The following GPSM2 variants were observed in gnomAD, a reference collection of about 807,000 sequenced individuals.
GPSM2 encodes the protein G protein signaling modulator 2.
Under a neutral mutation model 78.4 loss-of-function variants are expected in GPSM2, and 58 were observed. The observed-to-expected ratio is 0.74, with a 90% CI of 0.60 to 0.92. The LOEUF (loss-of-function observed/expected upper bound fraction) is 0.92, where lower values mean the gene tolerates loss of function less well. Ranked by LOEUF, GPSM2 falls within the 40% of genes least tolerant of loss-of-function variation. The pLI is 0.00. For synonymous variants in GPSM2, 224 were observed against 280.2 expected (o/e 0.80, Z 2.00); for missense variants, 700 against 815.5 (o/e 0.86, Z 1.73).
chr1:108,931,188 T>C lies in GPSM2; in HGVS notation c.*1248T>C, dbSNP rs886321348. On this transcript the variant is annotated 3_prime_UTR_variant, in exon 15 of 15. Transcript: ENST00000264126. ...AAAACAAAAAACAAAACCCATGTGG[T>C]TAGGTCAAGAACCTAGGACACATAA... 2.1e-6 allele frequency: 2 copies of C among 964,918 alleles called. No homozygotes were observed. The highest frequency in any genetic ancestry group is 2.9e-6 in the Non-Finnish European group (2 of 692,754). The allele number at this position is 964,918 out of a possible 1,614,324, so 59.8% of individuals were successfully genotyped here. A position where few individuals can be genotyped will look rare whatever the true frequency, so the allele number is the denominator to read the frequency against.
chr1:108,923,549 C>T (rs1650900410), intron 13 of GPSM2, among the ~76,000 whole-genome samples: 1 of 152,264 alleles, frequency 6.6e-6, no homozygotes, highest in Non-Finnish European at 1.5e-5. Flanking sequence ...TACCAAAAGA[C>T]TTCTTGTACC....
chr1:108,924,758 T>C (rs1009861925), intron 14 of GPSM2, among the ~76,000 whole-genome samples: 2 of 151,030 alleles, frequency 1.3e-5, no homozygotes, highest in Non-Finnish European at 3.0e-5. Context: ...ATGGGATGAG[T>C]AGGGGAAGGG....
intron 2 of GPSM2, among the ~76,000 whole-genome samples, chr1:108,888,488 C>A (rs12729728): frequency 0.07 from 10,668 of 152,220 alleles, 517 homozygotes; most frequent in Non-Finnish European, 0.1. Flanking sequence ...GCTGGGACTA[C>A]AGCTATGCCT....
intron 14 of GPSM2, 94 bp from the exon 15 acceptor site, chr1:108,929,607 C>A (rs1309229998): frequency 1.5e-5 from 17 of 1,157,550 alleles, no homozygotes; most frequent in Non-Finnish European, 2.1e-5. Context: ...TAAAAGTTTA[C>A]AACTGCGTTT....
At chr1:108,927,638 CAA>C (rs1205217896) in intron 14 of GPSM2, among the ~76,000 whole-genome samples, 1 of 152,086 alleles carries the variant, frequency 6.6e-6, no homozygotes, top group Non-Finnish European at 1.5e-5. Flanking sequence ...ATGCAAAACT[CAA>C]AGTGGGCCAA....
At chr1:108,907,183 G>A (rs914396682) in intron 10 of GPSM2, among the ~76,000 whole-genome samples, 2 of 152,200 alleles carry the variant, frequency 1.3e-5, no homozygotes, top group Admixed American at 1.3e-4. Context: ...CCCAGTGTGA[G>A]GAGAAAGGAT....
chr1:108,911,975 T>A (rs1181375102), intron 10 of GPSM2, among the ~76,000 whole-genome samples: 1 of 151,756 alleles, frequency 6.6e-6, no homozygotes, highest in Non-Finnish European at 1.5e-5. Flanking sequence ...TCTGGCTGAT[T>A]TTTATATTTT....
At chr1:108,907,787 G>A (rs1649362607) in intron 10 of GPSM2, among the ~76,000 whole-genome samples, 2 of 152,214 alleles carry the variant, frequency 1.3e-5, no homozygotes, top group Admixed American at 1.3e-4. Context: ...GGAGGCAAGA[G>A]AGGTTAGGTA....
chr1:108,887,234 G>A (rs567979140), intron 2 of GPSM2, among the ~76,000 whole-genome samples: 2 of 152,196 alleles, frequency 1.3e-5, no homozygotes, highest in East Asian at 3.9e-4. Context: ...TGAAATGTTG[G>A]CAGCTAATGC....
At chr1:108,911,174 C>T (rs1649710789) in intron 10 of GPSM2, among the ~76,000 whole-genome samples, 1 of 152,100 alleles carries the variant, frequency 6.6e-6, no homozygotes, top group Admixed American at 6.6e-5. Flanking sequence ...AACCAAAAGA[C>T]AGTCAGTATA....
At chr1:108,904,938 CTA>C (rs1402021672) in intron 10 of GPSM2, among the ~76,000 whole-genome samples, 22 of 151,924 alleles carry the variant, frequency 1.4e-4, no homozygotes, top group Non-Finnish European at 2.4e-4. Context: ...GTATGTGATT[CTA>C]TATGAGATCA....
chr1:108,904,644 T>G (rs1372012834), intron 10 of GPSM2, among the ~76,000 whole-genome samples: 1 of 151,818 alleles, frequency 6.6e-6, no homozygotes, highest in Non-Finnish European at 1.5e-5. Flanking sequence ...CTCATATCGT[T>G]TTACGTATCT....
chr1:108,911,554 C>T (rs958061614), intron 10 of GPSM2, among the ~76,000 whole-genome samples: 2 of 152,016 alleles, frequency 1.3e-5, no homozygotes, highest in Admixed American at 6.6e-5. Flanking sequence ...AGCAAACAAA[C>T]AAAAACCAAA....
intron 10 of GPSM2, among the ~76,000 whole-genome samples, chr1:108,913,810 CTT>C (rs1229900045): frequency 2.0e-5 from 3 of 151,954 alleles, no homozygotes; most frequent in African/African-American, 2.4e-5. Context: ...TATTTAATAA[CTT>C]TATTGAAAAA....
At chr1:108,917,636 ATATATATATATATATATATATATATATAT>A (rs1650360095) in intron 11 of GPSM2, among the ~76,000 whole-genome samples, 1 of 20,928 alleles carries the variant, frequency 4.8e-5, no homozygotes, top group East Asian at 8.7e-4. Flanking sequence ...ATATATATAT[ATATATATATATATATATATATATATATAT>A]AAATGAGTTC....
intron 2 of GPSM2, among the ~76,000 whole-genome samples, chr1:108,890,914 TATTA>T (rs953402216): frequency 1.1e-4 from 16 of 152,226 alleles, no homozygotes; most frequent in African/African-American, 3.4e-4. Context: ...TTTAAGGAAT[TATTA>T]ATTTTTTATG....
Position 108,909,239 on chromosome 1 carries a change from G to A in GPSM2, c.1192+4985G>A, listed in dbSNP as rs533823228. Among the ~76,000 whole-genome samples, 22 of 152,222 alleles carry A rather than the reference G, an allele frequency of 1.4e-4. No homozygotes were observed. The South Asian group carries it at 4.3e-3, about 30-fold the overall frequency. ...ATATATGTGTATTTTTTAATATGGG[G>A]TCACACCTTAAAAGTGAAAACCACT... is the stretch of plus-strand genomic sequence containing the variant. On this transcript the variant is annotated intron_variant, in intron 10 of 14. Transcript: ENST00000264126.
At chr1:108,918,105 A>G (rs537056530) in intron 11 of GPSM2, among the ~76,000 whole-genome samples, 20 of 152,284 alleles carry the variant, frequency 1.3e-4, no homozygotes, top group Middle Eastern at 3.4e-3. Flanking sequence ...GTAGGCTGTC[A>G]TGTATTTAAA....
chr1:108,886,892 G>T (rs1283789045), intron 2 of GPSM2, among the ~76,000 whole-genome samples: 26 of 142,206 alleles, frequency 1.8e-4, no homozygotes, highest in Admixed American at 5.6e-4. Context: ...TTGTGTTTTT[G>T]TTTTTTTTTT....
Sources: gnomAD v4.1 joint callset for allele counts (sites outside exome capture counted in the v4.1 genomes callset) on GRCh38, gnomAD v4.1.1 for gene constraint, MANE v1.5 for transcripts, NCBI Gene and HGNC (gene_info 2026-07-23, HGNC 2026-07-21) for gene names.